The following WASF3 variants were observed in gnomAD, a reference collection of about 807,000 sequenced individuals.
WASF3 encodes WASP family member 3, also known as actin-binding protein WASF3.
Under a neutral mutation model 46.6 loss-of-function variants are expected in WASF3, and 11 were observed. That is an observed-to-expected ratio of 0.24 (90% CI 0.15 to 0.39). The LOEUF (loss-of-function observed/expected upper bound fraction) is 0.39. Among genes scored for constraint, WASF3 ranks in the 10% least tolerant of loss-of-function variants. WASF3 has a pLI of 1.00. For missense variants in WASF3, 576 were observed against 669.8 expected (o/e 0.86, Z 1.55); for synonymous variants, 242 against 259.7 (o/e 0.93, Z 0.65).
chr13:26,545,156 T>C, the WASF3 span, among the ~76,000 whole-genome samples: 1 of 152,180 alleles, frequency 6.6e-6, no homozygotes, highest in South Asian at 2.1e-4. Context: ...AACCCAGGAC[T>C]TTGTTAGGAG....
intron 2 of WASF3, among the ~76,000 whole-genome samples, chr13:26,614,788 T>C (rs1288299572): frequency 6.6e-6 from 1 of 152,150 alleles, no homozygotes; most frequent in Non-Finnish European, 1.5e-5. Context: ...CCTTTTGAGA[T>C]AACCAGGCAG....
intron 3 of WASF3, among the ~76,000 whole-genome samples, chr13:26,655,796 T>TA (rs1882448303): frequency 1.3e-5 from 2 of 152,254 alleles, no homozygotes; most frequent in African/African-American, 2.4e-5. Context: ...TTTTGATCCT[T>TA]ACGTTTTTCC....
chr13:26,621,718 A>G (rs1187421379), intron 2 of WASF3, among the ~76,000 whole-genome samples: 2 of 152,102 alleles, frequency 1.3e-5, no homozygotes, highest in African/African-American at 2.4e-5. Context: ...CTAAATCACA[A>G]CTTTTAATAA....
intron 3 of WASF3, among the ~76,000 whole-genome samples, chr13:26,658,401 C>T (rs1340685232): frequency 6.6e-6 from 1 of 152,142 alleles, no homozygotes; most frequent in Admixed American, 6.5e-5. Flanking sequence ...AGCATTTCAC[C>T]AAATGGATTC....
At chr13:26,547,098 GT>G in the WASF3 span, among the ~76,000 whole-genome samples, 80 of 145,894 alleles carry the variant, frequency 5.5e-4, no homozygotes, top group Middle Eastern at 7.2e-3. Context: ...ATGGTGGTTG[GT>G]TTTTTTTTTT....
chr13:26,675,087 C>A (rs974669982), intron 6 of WASF3, among the ~76,000 whole-genome samples: 2 of 152,154 alleles, frequency 1.3e-5, no homozygotes, highest in African/African-American at 4.8e-5. Context: ...TGTTCTTTCA[C>A]CCTATACCCA....
intron 1 of WASF3, among the ~76,000 whole-genome samples, chr13:26,606,317 TTTTC>T: frequency 3.8e-5 from 5 of 131,610 alleles, no homozygotes; most frequent in African/African-American, 1.4e-4. Flanking sequence ...TTTCTCTTTT[TTTTC>T]GTGTGTGTGT....
intron 2 of WASF3, among the ~76,000 whole-genome samples, chr13:26,613,275 C>T (rs777354984): frequency 1.1e-4 from 17 of 151,358 alleles, no homozygotes; most frequent in Non-Finnish European, 1.8e-4. Context: ...GAAAAAAAAA[C>T]TTGATATATT....
intron 3 of WASF3, among the ~76,000 whole-genome samples, chr13:26,643,294 A>G (rs1882054510): frequency 1.3e-5 from 2 of 152,150 alleles, no homozygotes; most frequent in African/African-American, 4.8e-5. Context: ...ATAACTAGAA[A>G]ATCTTCCATG....
intron 3 of WASF3, among the ~76,000 whole-genome samples, chr13:26,643,176 T>C (rs972658909): frequency 6.6e-6 from 1 of 152,188 alleles, no homozygotes; most frequent in Admixed American, 6.5e-5. Flanking sequence ...TTACATTTAT[T>C]TTCTGATCTT....
intron 6 of WASF3, among the ~76,000 whole-genome samples, chr13:26,673,008 A>T (rs1291648480): frequency 6.6e-6 from 1 of 152,178 alleles, no homozygotes; most frequent in African/African-American, 2.4e-5. Flanking sequence ...ATCTTGGAAA[A>T]GTTGCTAGGT....
chr13:26,565,270 T>TA (rs1454336509), intron 1 of WASF3, among the ~76,000 whole-genome samples: 3 of 151,928 alleles, frequency 2.0e-5, no homozygotes, highest in Non-Finnish European at 2.9e-5. Flanking sequence ...GAAACTCTAG[T>TA]ACAAGTTGAG....
At chr13:26,677,757 A>G (rs961289556) in intron 7 of WASF3, among the ~76,000 whole-genome samples, 1 of 152,230 alleles carries the variant, frequency 6.6e-6, no homozygotes, top group African/African-American at 2.4e-5. Context: ...TTATTTCTAT[A>G]GAAAGTAGGA....
At chr13:26,543,914 T>C in the WASF3 span, among the ~76,000 whole-genome samples, 1 of 152,208 alleles carries the variant, frequency 6.6e-6, no homozygotes, top group African/African-American at 2.4e-5. Flanking sequence ...AACCGATTTC[T>C]AAGATCCAAG....
the WASF3 span, among the ~76,000 whole-genome samples, chr13:26,542,049 G>A: frequency 6.6e-6 from 1 of 152,300 alleles, no homozygotes; most frequent in South Asian, 2.1e-4. Context: ...GAATTGCATA[G>A]TTTGAACATG....
At chr13:26,557,425 C>T (rs570629480), upstream of WASF3, among the ~76,000 whole-genome samples, 3 of 152,348 alleles carry the variant, frequency 2.0e-5, no homozygotes, top group South Asian at 2.1e-4. Context: ...GTATCCCCAC[C>T]TCTCCTCGCT....
intron 1 of WASF3, chr13:26,577,083 GT>G (rs1460910920): frequency 5.2e-6 from 4 of 773,674 alleles, no homozygotes; most frequent in Non-Finnish European, 9.2e-6. Context: ...AGGGTCATGT[GT>G]TTGAAGTGAG....
At chr13:26,613,808 T>C (rs1049537076) in intron 2 of WASF3, among the ~76,000 whole-genome samples, 4 of 152,130 alleles carry the variant, frequency 2.6e-5, no homozygotes, top group African/African-American at 9.7e-5. Flanking sequence ...CTAGTCAGTT[T>C]TACAATAATT....
intron 1 of WASF3, among the ~76,000 whole-genome samples, chr13:26,591,861 C>G (rs1231880431): frequency 6.6e-6 from 1 of 152,116 alleles, no homozygotes; most frequent in Non-Finnish European, 1.5e-5. Context: ...TTAGGAACGG[C>G]TGGGCACTGG....
Sources: allele counts gnomAD v4.1 joint callset (sites outside exome capture counted in the v4.1 genomes callset), GRCh38; gene constraint gnomAD v4.1.1; transcripts MANE v1.5; gene names NCBI Gene and HGNC (gene_info 2026-07-23, HGNC 2026-07-21).